Variants in COX15 observed in about 807,000 individuals in gnomAD.
The protein encoded by COX15 is heme A synthase COX15.
In COX15, 51 loss-of-function variants were observed where a neutral mutation model predicts 51.9. That is an observed-to-expected ratio of 0.98 (90% CI 0.78 to 1.24). The LOEUF (loss-of-function observed/expected upper bound fraction) is 1.24. COX15 is among the 50% of genes most tolerant of loss of function. The pLI, the probability that COX15 is intolerant of heterozygous loss-of-function variation, is 0.00. For synonymous variants in COX15, 188 were observed against 190.5 expected (o/e 0.99, Z 0.11); for missense variants, 420 against 501.1 (o/e 0.84, Z 1.55).
chr10:99,723,753 G>A (rs1328687007), intron 5 of COX15, among the ~76,000 whole-genome samples: 1 of 152,118 alleles, frequency 6.6e-6, no homozygotes, highest in African/African-American at 2.4e-5. Flanking sequence ...ATCCCTTCTA[G>A]GAGTCAGAGG....
At chr10:99,729,297 C>T (rs2037058540) in intron 2 of COX15, among the ~76,000 whole-genome samples, 1 of 151,960 alleles carries the variant, frequency 6.6e-6, no homozygotes, top group African/African-American at 2.4e-5. Context: ...CCTGTCTCTA[C>T]TAAAAATACA....
In COX15 at chr10:99,714,493, T is replaced by G. The variant is rs1198258555; in HGVS notation, c.*94A>C. On this transcript the variant is annotated 3_prime_UTR_variant, in exon 9 of 9. Coordinates refer to ENST00000016171, the MANE Select transcript of COX15 (RefSeq NM_078470.6). ...TTGACCATTTGGAAACCACTTGGTA[T>G]GTCAAGGTCATCTCGTAGAAAAGCC... 2.5e-6 allele frequency: 4 copies of G among 1,599,658 alleles called. No homozygotes were observed. Among genetic ancestry groups the G allele is most frequent in the Non-Finnish European group, 3.4e-6 (4 of 1,175,110 alleles).
At position 99,714,660 on chromosome 10, in the gene COX15, TGAG is replaced by T. The variant is rs1167618264; in HGVS notation, c.1157_1159del (p.Thr386_His387delinsAsn). The T allele has an allele frequency of 2.5e-6, 4 of 1,613,892 alleles. No homozygotes were observed. Among genetic ancestry groups the T allele is most frequent in the Non-Finnish European group, 3.4e-6 (4 of 1,179,992 alleles). On this transcript the variant is annotated inframe_deletion, in exon 9 of 9. Transcript: ENST00000016171. ...GAGCAAAGCCAAGGAGCCTGACTGG[TGAG>T]TGGCGGCCAGAGGAGTTGGGACATA...
chr10:99,715,340 T>C (rs2036533354), intron 8 of COX15, among the ~76,000 whole-genome samples: 1 of 152,086 alleles, frequency 6.6e-6, no homozygotes, highest in African/African-American at 2.4e-5. Flanking sequence ...AGTTTCATCA[T>C]GTTGGCCAGG....
At chr10:99,731,139 T>C (rs960052400) in intron 1 of COX15, among the ~76,000 whole-genome samples, 1 of 152,222 alleles carries the variant, frequency 6.6e-6, no homozygotes, top group African/African-American at 2.4e-5. Context: ...TATAATCTTA[T>C]GGGACCATGA....
chr10:99,724,190 TG>T (rs1478587310), intron 4 of COX15, 67 bp from the exon 5 acceptor site: 2 of 1,593,188 alleles, frequency 1.3e-6, no homozygotes, highest in Non-Finnish European at 1.7e-6. Flanking sequence ...TTCTTTTTTT[TG>T]TTGTTTTTTT....
At chr10:99,698,925 C>T in the COX15 span, 2 of 1,444,604 alleles carry the variant, frequency 1.4e-6, no homozygotes, top group Non-Finnish European at 1.9e-6. Flanking sequence ...TCACTCTGTG[C>T]CAGGTGCTGT....
rs750160851 is a variant in COX15 at position 99,711,339 on chromosome 10, TA to T, written c.*3247del. The T allele has an allele frequency of 1.2e-4, 118 of 985,274 alleles. No homozygotes were observed. The highest frequency in any genetic ancestry group is 9.9e-4 in the South Asian group (21 of 21,288). The allele number at this position is 985,274 out of a possible 1,614,324, so 61.0% of individuals were successfully genotyped here. On this transcript the variant is annotated 3_prime_UTR_variant, in exon 9 of 9. Coordinates refer to ENST00000016171, the MANE Select transcript of COX15 (RefSeq NM_078470.6). ...TACTGCCCTCTGCTGACTCAGTTAC[TA>T]ACTAAGGACAACCTGGGTTTGAGGA...
At chr10:99,723,483 A>G (rs2036846790) in intron 5 of COX15, among the ~76,000 whole-genome samples, 1 of 152,170 alleles carries the variant, frequency 6.6e-6, no homozygotes, top group South Asian at 2.1e-4. Flanking sequence ...AAAATGTCCT[A>G]TAAGGGTGTG....
intron 7 of COX15, among the ~76,000 whole-genome samples, chr10:99,717,132 C>T (rs2036604109): frequency 6.6e-6 from 1 of 152,148 alleles, no homozygotes; most frequent in Non-Finnish European, 1.5e-5. Context: ...AGGTAACATG[C>T]CTCAGCCCAG....
the COX15 span, chr10:99,704,494 G>A: frequency 6.2e-7 from 1 of 1,614,210 alleles, no homozygotes; most frequent in Non-Finnish European, 8.5e-7. Context: ...ATGGTAGCTG[G>A]TTCCGTCTCT....
chr10:99,699,600 T>A, the COX15 span, among the ~76,000 whole-genome samples: 1 of 152,220 alleles, frequency 6.6e-6, no homozygotes, highest in African/African-American at 2.4e-5. Context: ...GGTCTCGCTC[T>A]GTAGCCCAGG....
the COX15 span, among the ~76,000 whole-genome samples, chr10:99,699,685 C>G: frequency 6.6e-6 from 1 of 152,286 alleles, no homozygotes; most frequent in Non-Finnish European, 1.5e-5. Context: ...CTGCCTCAGC[C>G]TCCCGAGTAG....
At chr10:99,708,521 A>C (rs748303676), downstream of COX15, among the ~76,000 whole-genome samples, 2 of 152,172 alleles carry the variant, frequency 1.3e-5, no homozygotes, top group Non-Finnish European at 2.9e-5. Context: ...GTTCTCATCT[A>C]TCAAACAAAG....
chr10:99,715,208 G>A (rs1453400990), intron 8 of COX15, among the ~76,000 whole-genome samples: 2 of 152,014 alleles, frequency 1.3e-5, no homozygotes, highest in Non-Finnish European at 2.9e-5. Flanking sequence ...CATGATCTTG[G>A]CTCACTGCAA....
In COX15 at chr10:99,714,376, A is replaced by G; in HGVS notation, c.*211T>C. 7.3e-7 allele frequency: 1 copy of G among 1,375,372 alleles called. No homozygotes were observed. The highest frequency in any genetic ancestry group is 9.4e-7 in the Non-Finnish European group (1 of 1,062,868). 85.2% of individuals were successfully genotyped at this position (1,375,372 alleles called of 1,614,324 possible). On this transcript the variant is annotated 3_prime_UTR_variant, in exon 9 of 9. Transcript: ENST00000016171. ...ATTAAAACTGATTTTCAACATGAAA[A>G]GCAGATTTAAAAGGGAACATTTAGG...
At chr10:99,710,445 G>C, downstream of COX15, 1 of 984,660 alleles carries the variant, frequency 1.0e-6, no homozygotes, top group South Asian at 4.7e-5. Context: ...TTTTTATTAT[G>C]ATCTACACTT....
chr10:99,694,771 A>C, the COX15 span, among the ~76,000 whole-genome samples: 44 of 152,166 alleles, frequency 2.9e-4, 1 homozygote, highest in Admixed American at 1.0e-3. Context: ...TCCTGGCCTC[A>C]AGTGATCCAC....
chr10:99,729,848 G>T, intron 1 of COX15, 114 bp from the exon 2 acceptor site: 1 of 1,033,562 alleles, frequency 9.7e-7, no homozygotes, highest in Admixed American at 2.0e-5. Context: ...GCCATGTCTT[G>T]TTAAGTCATC....
Sources: allele counts gnomAD v4.1 joint callset (sites outside exome capture counted in the v4.1 genomes callset), GRCh38; gene constraint gnomAD v4.1.1; transcripts MANE v1.5; gene names NCBI Gene and HGNC (gene_info 2026-07-23, HGNC 2026-07-21).